The following JADE2 variants were observed in gnomAD, a reference collection of about 807,000 sequenced individuals.
JADE2 encodes E3 ubiquitin-protein ligase Jade-2.
A neutral mutation model predicts 85.7 loss-of-function variants in JADE2; 13 were observed. The ratio of observed to expected loss-of-function variants is 0.15; its 90% CI spans 0.10 to 0.24. JADE2 has a LOEUF of 0.24. JADE2 is among the 10% of genes least tolerant of loss of function. The pLI is 1.00. For synonymous variants in JADE2, 440 were observed against 456.1 expected (o/e 0.96, Z 0.45); for missense variants, 846 against 1,115.9 (o/e 0.76, Z 3.45).
At chr5:134,577,052 C>T (rs1036114955) in intron 11 of JADE2, 156 bp downstream of exon 11, 51 of 785,358 alleles carry the variant, frequency 6.5e-5, no homozygotes, top group Non-Finnish European at 9.6e-5. Context: ...CACACACCTT[C>T]CACCCACAAA....
intron 4 of JADE2, among the ~76,000 whole-genome samples, chr5:134,554,397 G>A (rs1411920048): frequency 6.6e-6 from 1 of 152,138 alleles, no homozygotes; most frequent in Non-Finnish European, 1.5e-5. Flanking sequence ...GCCACCAGGT[G>A]GGCACAGCGA....
chr5:134,579,072 C>A lies in JADE2; in HGVS notation c.2260C>A (p.Pro754Thr). 1 of 1,614,022 alleles carries A rather than the reference C, an allele frequency of 6.2e-7. No individual in the cohort carries two copies. The highest frequency in any genetic ancestry group is 8.5e-7 in the Non-Finnish European group (1 of 1,179,964). The change falls in exon 12 of 12, where the codon CCA (proline) becomes ACA (threonine). Residue 754 changes from proline (P) to threonine (T), a missense_variant. By Grantham distance (38) the Pro-to-Thr change is conservative. Around this residue, in one of 9 missense-constraint regions of JADE2, gnomAD observed 300 missense variants for 300.7 expected, o/e 1.00. Coordinates refer to ENST00000681547, the MANE Select transcript of JADE2 (RefSeq NM_001388185.1). This position sits in a 1 kb window ranked among gnomAD's most constrained non-coding sequence, Gnocchi z 4.6. ...ASPKPLGRLR[P>T]PRESKVTRRL... ...CCCTAAGCCTTTGGGCCGGCTCCGGCCACCCCGCGAGAGCAAGGTAACCCG... is the reference window on the plus strand; with the variant it reads ...CCCTAAGCCTTTGGGCCGGCTCCGGACACCCCGCGAGAGCAAGGTAACCCG...
Position 134,580,613 on chromosome 5 carries a change from A to ACC in JADE2, c.*1297_*1298insCC, listed in dbSNP as rs1764665914. The ACC allele has an allele frequency of 6.6e-6, 1 of 152,208 alleles. No individual in the cohort carries two copies. The highest frequency in any genetic ancestry group is 1.5e-5 in the Non-Finnish European group (1 of 68,014). 9.4% of individuals were successfully genotyped at this position (152,208 alleles called of 1,614,324 possible). Reference sequence around the variant, plus strand: ...GAATTACTCCTGGGTCACTTCCACCACTGGTAAAGCCAGAACTTCTCCAAA... The same window carrying ACC: ...GAATTACTCCTGGGTCACTTCCACCACCCTGGTAAAGCCAGAACTTCTCCAAA... On this transcript the variant is annotated 3_prime_UTR_variant, in exon 12 of 12. Coordinates refer to ENST00000681547, the MANE Select transcript of JADE2 (RefSeq NM_001388185.1).
upstream of JADE2, among the ~76,000 whole-genome samples, chr5:134,525,016 G>A (rs1248944104): frequency 1.3e-5 from 2 of 152,244 alleles, no homozygotes; most frequent in African/African-American, 2.4e-5. Context: ...CCGGGGGGCG[G>A]GGTGCTCAGT....
intron 3 of JADE2, among the ~76,000 whole-genome samples, chr5:134,550,936 C>G (rs1305207771): frequency 3.3e-5 from 5 of 152,186 alleles, no homozygotes; most frequent in South Asian, 2.1e-4. Context: ...CTTCCTACCC[C>G]CCCTTCCCCA....
At chr5:134,574,429 C>A (rs1361532775) in intron 10 of JADE2, 1 of 153,116 alleles carries the variant, frequency 6.5e-6, no homozygotes, top group East Asian at 1.9e-4. Flanking sequence ...CAACACTTAG[C>A]CCCCAAAACA....
intron 3 of JADE2, among the ~76,000 whole-genome samples, chr5:134,551,331 C>G (rs1414136002): frequency 1.3e-5 from 2 of 152,114 alleles, no homozygotes; most frequent in African/African-American, 4.8e-5. Flanking sequence ...TGGGCTCAAG[C>G]AATCCTTCCA....
At chr5:134,541,802 G>A (rs1260194101) in intron 3 of JADE2, among the ~76,000 whole-genome samples, 1 of 152,230 alleles carries the variant, frequency 6.6e-6, no homozygotes, top group East Asian at 1.9e-4. Flanking sequence ...ACCTCTCAGG[G>A]GCTGCCCTTT....
At position 134,561,174 on chromosome 5, in the gene JADE2, C is replaced by G. The variant is rs548052930; in HGVS notation, c.684+217C>G. 8.3e-4 allele frequency among the ~76,000 whole-genome samples: 127 copies of G among 152,368 alleles called. 3 individuals carry two copies. The South Asian group carries it at 0.024, about 29-fold the overall frequency. On this transcript the variant is annotated intron_variant, in intron 6 of 11. Transcript: ENST00000681547. ...AGCCAGAGCCCATTGGCTTTCTGCACTGTCCCATCAGCCTCCCTCAGACCC... is the reference window on the plus strand; with the variant it reads ...AGCCAGAGCCCATTGGCTTTCTGCAGTGTCCCATCAGCCTCCCTCAGACCC...
At chr5:134,549,801 G>A (rs529906235) in intron 3 of JADE2, among the ~76,000 whole-genome samples, 13 of 152,380 alleles carry the variant, frequency 8.5e-5, no homozygotes, top group African/African-American at 2.9e-4. Flanking sequence ...TCCCAAGTGT[G>A]TGGTTCTCCA....
At chr5:134,558,602 G>T (rs188015876) in intron 4 of JADE2, among the ~76,000 whole-genome samples, 2 of 152,224 alleles carry the variant, frequency 1.3e-5, no homozygotes, top group Non-Finnish European at 2.9e-5. Context: ...GCAGTGGCAC[G>T]ATCTCTGCTC....
At chr5:134,574,851 GGA>G (rs1046404672) in intron 10 of JADE2, 2 of 152,392 alleles carry the variant, frequency 1.3e-5, no homozygotes, top group Non-Finnish European at 2.9e-5. Context: ...TGCACCATCT[GGA>G]GAGAGAGAGG....
chr5:134,538,661 G>A (rs2149883999), intron 3 of JADE2, among the ~76,000 whole-genome samples: 1 of 152,194 alleles, frequency 6.6e-6, no homozygotes, highest in South Asian at 2.1e-4. Context: ...CACTGGGGGT[G>A]GGTAGACTCC....
In JADE2 at chr5:134,566,120, C is replaced by G. The variant is rs148973601; in HGVS notation, c.974C>G (p.Ser325Cys). ...KECTGTCIQC[S>C]MPSCVTAFHV... Reference sequence around the variant, plus strand: ...CTGCCCCTCCTTTCCCCTCAGTGTTCCATGCCTTCCTGCGTCACAGCGTTC... The same window carrying G: ...CTGCCCCTCCTTTCCCCTCAGTGTTGCATGCCTTCCTGCGTCACAGCGTTC... The change falls in exon 9 of 12, where the codon TCC becomes TGC. Residue 325 changes from serine (S) to cysteine (C), a missense_variant. Physicochemically the swap from Ser to Cys is moderately radical, Grantham distance 112. This residue lies in a region of JADE2 where 129 missense variants were observed against 255.4 expected (regional missense o/e 0.51). Coordinates refer to ENST00000681547, the MANE Select transcript of JADE2 (RefSeq NM_001388185.1). This position sits in a 1 kb window ranked among gnomAD's most constrained non-coding sequence, Gnocchi z 6.7. 1 of 1,611,820 alleles carries G rather than the reference C, an allele frequency of 6.2e-7. No individual in the cohort carries two copies. The highest frequency in any genetic ancestry group is 8.5e-7 in the Non-Finnish European group (1 of 1,178,678).
At chr5:134,527,212 C>T (rs1760904685) in intron 1 of JADE2, among the ~76,000 whole-genome samples, 1 of 151,588 alleles carries the variant, frequency 6.6e-6, no homozygotes, top group African/African-American at 2.4e-5. Flanking sequence ...CTTCCTCCCT[C>T]TCCCTCCCTT....
chr5:134,539,413 G>A (rs969169415), intron 3 of JADE2, among the ~76,000 whole-genome samples: 6 of 151,656 alleles, frequency 4.0e-5, no homozygotes, highest in Non-Finnish European at 8.8e-5. Flanking sequence ...TGGCCAGGCT[G>A]GTCTTGAACT....
chr5:134,524,612 G>C (rs895931285), upstream of JADE2, among the ~76,000 whole-genome samples: 14 of 152,206 alleles, frequency 9.2e-5, no homozygotes, highest in Non-Finnish European at 1.8e-4. Flanking sequence ...TCCTGCTGGG[G>C]CCAGGATGTG....
chr5:134,564,374 G>A (rs1038497098), intron 7 of JADE2, 120 bp from the exon 8 acceptor site: 35 of 591,776 alleles, frequency 5.9e-5, no homozygotes, highest in Admixed American at 1.7e-4. Flanking sequence ...GGGATTCAGG[G>A]GCTCAGCCAC....
rs572133643 is a variant in JADE2, at chr5:134,562,976, G to T, written c.852+609G>T. On this transcript the variant is annotated intron_variant, in intron 7 of 11. Transcript: ENST00000681547. This position sits in a 1 kb window ranked among gnomAD's most constrained non-coding sequence, Gnocchi z 4.6. ...AGGCAGCTGACTAGAGGGGAAAGCA[G>T]GTTGTGGGGTCCATCTAAACCTTAG... 1.3e-5 allele frequency among the ~76,000 whole-genome samples: 2 copies of T among 152,334 alleles called. No individual in the cohort carries two copies. The highest frequency in any genetic ancestry group is 3.9e-4 in the East Asian group (2 of 5,182).
Sources: gnomAD v4.1 joint callset for allele counts (sites outside exome capture counted in the v4.1 genomes callset) on GRCh38, gnomAD v4.1.1 for gene constraint, gnomAD v4.1.1 regional missense constraint, Gnocchi (gnomAD v3.1) non-coding constraint, MANE v1.5 for transcripts, NCBI Gene and HGNC (gene_info 2026-07-23, HGNC 2026-07-21) for gene names.